SLC6A11: variants seen among roughly 807,000 people sequenced by gnomAD.
SLC6A11 encodes sodium- and chloride-dependent GABA transporter 3.
SLC6A11 carries 25 observed loss-of-function variants against 74.8 expected under a neutral mutation model. The ratio of observed to expected loss-of-function variants is 0.33; its 90% CI spans 0.24 to 0.47. SLC6A11 has a LOEUF of 0.47. Among genes scored for constraint, SLC6A11 ranks in the 20% least tolerant of loss-of-function variants. The pLI, the probability that SLC6A11 is intolerant of heterozygous loss-of-function variation, is 1.00. For synonymous variants in SLC6A11, 330 were observed against 330.2 expected, an observed-to-expected ratio of 1.00 and a Z score of 0.01; for missense variants, 574 against 837.0, an observed-to-expected ratio of 0.69 and a Z score of 3.88.
intron 6 of SLC6A11, among the ~76,000 whole-genome samples, chr3:10,878,042 C>G (rs1290424087): frequency 6.6e-6 from 1 of 152,202 alleles, no homozygotes; most frequent in Non-Finnish European, 1.5e-5. Flanking sequence ...AACTGGTCAT[C>G]CAGAAATGGC....
At chr3:10,863,382 A>G (rs540825501) in intron 5 of SLC6A11, among the ~76,000 whole-genome samples, 1 of 152,370 alleles carries the variant, frequency 6.6e-6, no homozygotes, top group South Asian at 2.1e-4. Context: ...TGATTCACAG[A>G]TTAAGAGCCT....
At position 10,918,907 on chromosome 3, in the gene SLC6A11, G is replaced by A. The variant is rs1559583003; in HGVS notation, c.1120+454G>A. On this transcript the variant is annotated intron_variant, in intron 8 of 13. Coordinates refer to ENST00000254488, the MANE Select transcript of SLC6A11 (RefSeq NM_014229.3). The surrounding 1 kb of genome is among the most constrained non-coding windows in gnomAD (Gnocchi z 4.5). Reference sequence around the variant, plus strand: ...CCTTTCTTGGCTTCTCATAGTGCTGGACTCAGCGTGGCCACAAAGCCCTGT... The same window carrying A: ...CCTTTCTTGGCTTCTCATAGTGCTGAACTCAGCGTGGCCACAAAGCCCTGT... Among the ~76,000 whole-genome samples the A allele has an allele frequency of 6.6e-6, 1 of 151,792 alleles. No homozygotes were observed. Among genetic ancestry groups the A allele is most frequent in the Non-Finnish European group, 1.5e-5 (1 of 67,980 alleles).
intron 3 of SLC6A11, among the ~76,000 whole-genome samples, chr3:10,820,095 T>C (rs1205340994): frequency 6.6e-6 from 1 of 152,240 alleles, no homozygotes; most frequent in Non-Finnish European, 1.5e-5. Flanking sequence ...GGAGATGTTC[T>C]GTCCTCTGTT....
chr3:10,918,782 C>T lies in SLC6A11; in HGVS notation c.1120+329C>T, dbSNP rs1352588755. 1.3e-5 allele frequency among the ~76,000 whole-genome samples: 2 copies of T among 152,156 alleles called. No homozygotes were observed. The highest frequency in any genetic ancestry group is 6.5e-5 in the Admixed American group (1 of 15,278). On this transcript the variant is annotated intron_variant, in intron 8 of 13. Transcript: ENST00000254488. This position sits in a 1 kb window ranked among gnomAD's most constrained non-coding sequence, Gnocchi z 4.5. ...TGGCTCAGAAACCTTTCCCTGGACT[C>T]TGTGCCTCTGCTGTTGTCACTTCCA...
At chr3:10,873,423 T>TGGCATGCCATCCTACCCTAC (rs1694855041) in intron 5 of SLC6A11, among the ~76,000 whole-genome samples, 1 of 150,788 alleles carries the variant, frequency 6.6e-6, no homozygotes, top group African/African-American at 2.5e-5. Context: ...TCCTATCCTA[T>TGGCATGCCATCCTACCCTAC]CCTATCCTAT....
At chr3:10,896,585 C>T (rs1695174109) in intron 6 of SLC6A11, among the ~76,000 whole-genome samples, 1 of 152,236 alleles carries the variant, frequency 6.6e-6, no homozygotes, top group Non-Finnish European at 1.5e-5. Context: ...TGGAAAACTT[C>T]TACCTTACCC....
chr3:10,816,313 G>T lies in SLC6A11; in HGVS notation c.48G>T (p.Glu16Asp). 7.1e-7 allele frequency: 1 copy of T among 1,407,856 alleles called. No individual in the cohort carries two copies. The highest frequency in any genetic ancestry group is 1.6e-5 in the South Asian group (1 of 62,222). 87.2% of individuals were successfully genotyped at this position (1,407,856 alleles called of 1,614,324 possible). A position where few individuals can be genotyped will look rare whatever the true frequency, so the allele number is the denominator to read the frequency against. Residue 16 changes from glutamate to aspartate, a missense_variant, in exon 1 of 14, where the codon GAG becomes GAT. Glu to Asp is a conservative substitution (Grantham distance 45, BLOSUM62 2). Coordinates refer to ENST00000254488, the MANE Select transcript of SLC6A11 (RefSeq NM_014229.3). This position sits in a 1 kb window ranked among gnomAD's most constrained non-coding sequence, Gnocchi z 4.2. ...ALPLGNGKAA[E>D]EARESEAPGG... is the part of the protein sequence containing the mutation. The stretch of plus-strand genomic sequence containing the variant: ...CCCTGGGCAATGGGAAGGCTGCTGA[G>T]GAGGCGCGGGAGTCCGAGGCGCCGG...
chr3:10,862,630 T>C (rs1391268041), intron 5 of SLC6A11, among the ~76,000 whole-genome samples: 1 of 152,236 alleles, frequency 6.6e-6, no homozygotes, highest in Non-Finnish European at 1.5e-5. Flanking sequence ...TTCTTCTTGC[T>C]TTAAGGACTT....
intron 8 of SLC6A11, among the ~76,000 whole-genome samples, chr3:10,924,787 T>C (rs1219118099): frequency 2.0e-5 from 3 of 152,222 alleles, no homozygotes; most frequent in African/African-American, 7.2e-5. Context: ...AACTATGATA[T>C]AACATCTCAC....
rs772471540 is a variant in SLC6A11 at position 10,926,032 on chromosome 3, C to T, written c.1149C>T (p.Pro383=). Residue 383 remains proline, a synonymous_variant, in exon 9 of 14, where the codon CCC becomes CCT. Transcript: ENST00000254488. The surrounding 1 kb of genome is among the most constrained non-coding windows in gnomAD (Gnocchi z 5.7). ...CCGGCCTGGCCTTTATTGCGTACCC[C>T]AAGGCGGTCACCATGATGCCTCTCT... The part of the protein sequence containing the change: ...SGPGLAFIAY[P]KAVTMMPLSP... 6.2e-6 allele frequency: 10 copies of T among 1,613,274 alleles called. No homozygotes were observed. The highest frequency in any genetic ancestry group is 1.1e-5 in the South Asian group (1 of 91,058).
rs150297311 is a variant in SLC6A11, at chr3:10,854,074, C to T, written c.756+9728C>T. Among the ~76,000 whole-genome samples the T allele has an allele frequency of 7.8e-3, 1,191 of 152,312 alleles. 20 individuals are homozygous for T. Among genetic ancestry groups the T allele is most frequent in the African/African-American group, 0.027 (1,126 of 41,572 alleles). On this transcript the variant is annotated intron_variant, in intron 5 of 13. Coordinates refer to ENST00000254488, the MANE Select transcript of SLC6A11 (RefSeq NM_014229.3). ...CTGACACTGATTTTTAAAAATTGTC[C>T]AAACAATATTTTTAACAAGCTATTT...
rs762864455 is a variant in SLC6A11, at chr3:10,816,457, C to T, written c.192C>T (p.Ala64=). The T allele has an allele frequency of 1.7e-5, 27 of 1,604,690 alleles. 1 individual carries two copies. The East Asian group carries it at 6.2e-4, about 37-fold the overall frequency. The change falls in exon 1 of 14, where the codon GCC becomes GCT. Residue 64 remains alanine, a synonymous_variant. Coordinates refer to ENST00000254488, the MANE Select transcript of SLC6A11 (RefSeq NM_014229.3). This position sits in a 1 kb window ranked among gnomAD's most constrained non-coding sequence, Gnocchi z 4.2. ...NNKVEFVLSV[A]GEIIGLGNVW... ...AGGTGGAGTTCGTGCTGAGCGTGGC[C>T]GGGGAGATCATTGGGCTGGGCAACG...
chr3:10,911,983 G>GT, intron 6 of SLC6A11, 107 bp from the exon 7 acceptor site: 2 of 782,634 alleles, frequency 2.6e-6, no homozygotes, highest in South Asian at 1.5e-5. Flanking sequence ...CCCTTATGGA[G>GT]TTTTTCTGAA....
At chr3:10,867,092 T>C (rs1334099807) in intron 5 of SLC6A11, among the ~76,000 whole-genome samples, 4 of 152,154 alleles carry the variant, frequency 2.6e-5, no homozygotes, top group Non-Finnish European at 5.9e-5. Flanking sequence ...GATGGGCAGA[T>C]GCACCTGAGA....
At position 10,873,914 on chromosome 3, in the gene SLC6A11, T is replaced by A. The variant is rs545566247; in HGVS notation, c.757-1047T>A. Among the ~76,000 whole-genome samples the A allele has an allele frequency of 2.6e-5, 4 of 152,378 alleles. No homozygotes were observed. The South Asian group carries it at 8.3e-4, about 32-fold the overall frequency. Reference sequence around the variant, plus strand: ...TACTCTATGCTATCCTATGCTATGCTATGCTACACTATCCTATGTTATGCT... The same window carrying A: ...TACTCTATGCTATCCTATGCTATGCAATGCTACACTATCCTATGTTATGCT... On this transcript the variant is annotated intron_variant, in intron 5 of 13. Coordinates refer to ENST00000254488, the MANE Select transcript of SLC6A11 (RefSeq NM_014229.3).
chr3:10,884,313 G>C (rs1021302369), intron 6 of SLC6A11, among the ~76,000 whole-genome samples: 2 of 152,188 alleles, frequency 1.3e-5, no homozygotes, highest in African/African-American at 4.8e-5. Flanking sequence ...GCCAGGTACT[G>C]TGCTTTAGAA....
At chr3:10,883,021 G>C (rs921747172) in intron 6 of SLC6A11, among the ~76,000 whole-genome samples, 3 of 151,352 alleles carry the variant, frequency 2.0e-5, no homozygotes, top group Non-Finnish European at 4.4e-5. Context: ...CTCTGGGCAG[G>C]ACGAGTCAGG....
intron 13 of SLC6A11, among the ~76,000 whole-genome samples, chr3:10,937,253 C>T (rs1347685294): frequency 6.6e-6 from 1 of 152,142 alleles, no homozygotes; most frequent in Non-Finnish European, 1.5e-5. Context: ...AAGCTTCTTG[C>T]CCTTGTTAAA....
chr3:10,841,856 C>T (rs181755863), intron 4 of SLC6A11, among the ~76,000 whole-genome samples: 4 of 152,248 alleles, frequency 2.6e-5, no homozygotes, highest in South Asian at 4.1e-4. Context: ...TGTGCATACG[C>T]GTGCATACAC....
Sources: gnomAD v4.1 joint callset for allele counts (sites outside exome capture counted in the v4.1 genomes callset) on GRCh38, gnomAD v4.1.1 for gene constraint, Gnocchi (gnomAD v3.1) non-coding constraint, MANE v1.5 for transcripts, NCBI Gene and HGNC (gene_info 2026-07-23, HGNC 2026-07-21) for gene names.